GAB1: variants seen among roughly 807,000 people sequenced by gnomAD.
GAB1 encodes the protein GRB2-associated-binding protein 1.
A neutral mutation model predicts 66.5 loss-of-function variants in GAB1; 19 were observed. That is an observed-to-expected ratio of 0.29 (90% confidence interval 0.20 to 0.42). The LOEUF (loss-of-function observed/expected upper bound fraction) is 0.42, where lower values mean the gene tolerates loss of function less well. GAB1 is among the 10% of genes least tolerant of loss of function. The pLI is 1.00. For missense variants in GAB1, 732 were observed against 858.5 expected, an observed-to-expected ratio of 0.85 and a Z score of 1.84; for synonymous variants, 294 against 301.4, an observed-to-expected ratio of 0.98 and a Z score of 0.25.
intron 1 of GAB1, among the ~76,000 whole-genome samples, chr4:143,371,296 C>A (rs951956135): frequency 4.8e-4 from 73 of 152,126 alleles, no homozygotes; most frequent in Admixed American, 8.5e-4. Flanking sequence ...TCTCTGATGG[C>A]CAGTGATGAT....
chr4:143,379,279 A>G (rs1319894580), intron 1 of GAB1, among the ~76,000 whole-genome samples: 1 of 152,216 alleles, frequency 6.6e-6, no homozygotes, highest in Non-Finnish European at 1.5e-5. Context: ...TAATGTTGGA[A>G]GAGGACTTAG....
intron 1 of GAB1, among the ~76,000 whole-genome samples, chr4:143,346,761 G>C (rs1041875703): frequency 5.3e-5 from 8 of 152,122 alleles, no homozygotes; most frequent in Admixed American, 2.0e-4. Context: ...GTTGAGAAAA[G>C]GTAAAAGGAA....
rs1455811298 is a variant in GAB1 at position 143,412,346 on chromosome 4, C to G, written c.73-3131C>G. The stretch of plus-strand genomic sequence containing the variant: ...TATGTATATGTTCAGTATTGGAGCT[C>G]TTTTTCTCAAGTGGAAGATGCTTTG... On this transcript the variant is annotated intron_variant, in intron 1 of 9. Transcript: ENST00000262994. Among the ~76,000 whole-genome samples the G allele has an allele frequency of 3.9e-5, 6 of 152,170 alleles. No individual in the cohort carries two copies. The South Asian group carries it at 1.0e-3, about 26-fold the overall frequency.
intron 1 of GAB1, among the ~76,000 whole-genome samples, chr4:143,402,308 G>A (rs927582298): frequency 2.0e-4 from 30 of 152,150 alleles, no homozygotes; most frequent in African/African-American, 7.0e-4. Context: ...AATTTTCCCT[G>A]TGTTTGATTT....
chr4:143,387,447 G>GT (rs1730971355), intron 1 of GAB1, among the ~76,000 whole-genome samples: 1 of 152,184 alleles, frequency 6.6e-6, no homozygotes, highest in Non-Finnish European at 1.5e-5. Context: ...TGTTGAAGAA[G>GT]CAATGTTCAG....
At chr4:143,361,709 C>T (rs976896029) in intron 1 of GAB1, among the ~76,000 whole-genome samples, 5 of 152,142 alleles carry the variant, frequency 3.3e-5, no homozygotes, top group East Asian at 1.9e-4. Context: ...ATGCCACCAC[C>T]GCTGCCTTTG....
In GAB1 at chr4:143,467,364, C is replaced by G. The variant is rs139389820; in HGVS notation, c.1926+1139C>G. ...CTACAATACGTCTAGACATAGATTC[C>G]TTTTTATTTATCTTGCTTAGAAGTG... On this transcript the variant is annotated intron_variant, in intron 9 of 9. Coordinates refer to ENST00000262994, the MANE Select transcript of GAB1 (RefSeq NM_002039.4). Among the ~76,000 whole-genome samples the G allele has an allele frequency of 1.3e-3, 200 of 152,224 alleles. 2 individuals carry two copies. Among genetic ancestry groups the G allele is most frequent in the African/African-American group, 4.6e-3 (192 of 41,554 alleles).
intron 1 of GAB1, among the ~76,000 whole-genome samples, chr4:143,367,731 T>G (rs911188607): frequency 6.8e-6 from 1 of 146,502 alleles, no homozygotes; most frequent in Non-Finnish European, 1.5e-5. Context: ...TTTTTTTTTT[T>G]TTTTTTTTTT....
intron 8 of GAB1, among the ~76,000 whole-genome samples, chr4:143,462,565 A>G (rs1200439495): frequency 7.1e-6 from 1 of 141,778 alleles, no homozygotes; most frequent in African/African-American, 2.5e-5. Context: ...AAATCAAAAT[A>G]CAATTTTTTT....
chr4:143,344,549 T>G (rs1013349770), intron 1 of GAB1, among the ~76,000 whole-genome samples: 6 of 152,210 alleles, frequency 3.9e-5, no homozygotes, highest in Admixed American at 1.3e-4. Context: ...TCTTTCTTTT[T>G]TATATTACCC....
Position 143,367,725 on chromosome 4 carries a change from T to TTG in GAB1, c.72+30466_72+30467insGT, listed in dbSNP as rs574025621. ...AAGTGCAAATCAGATGAGGGTTTTT[T>TTG]TTTTTTTTTTTTTTTTGGAGACAGA... On this transcript the variant is annotated intron_variant, in intron 1 of 9. Coordinates refer to ENST00000262994, the MANE Select transcript of GAB1 (RefSeq NM_002039.4). Among the ~76,000 whole-genome samples the TTG allele has an allele frequency of 6.5e-3, 940 of 144,534 alleles. 14 individuals carry two copies. The highest frequency in any genetic ancestry group is 0.023 in the African/African-American group (882 of 38,470). The allele number at this position is 144,534 out of a possible 152,430, so 94.8% of individuals were successfully genotyped here.
intron 2 of GAB1, among the ~76,000 whole-genome samples, chr4:143,430,825 C>T (rs949387666): frequency 6.6e-6 from 1 of 152,126 alleles, no homozygotes; most frequent in Admixed American, 6.6e-5. Context: ...CTTGGAATTT[C>T]TTTTGCAAGA....
chr4:143,357,722 A>ATGTAT (rs1470501837), intron 1 of GAB1, among the ~76,000 whole-genome samples: 1 of 152,080 alleles, frequency 6.6e-6, no homozygotes, highest in Non-Finnish European at 1.5e-5. Flanking sequence ...TTGGAATAGA[A>ATGTAT]AGATACAGTC....
intron 1 of GAB1, among the ~76,000 whole-genome samples, chr4:143,411,701 G>C (rs1732400832): frequency 6.6e-6 from 1 of 152,178 alleles, no homozygotes; most frequent in African/African-American, 2.4e-5. Flanking sequence ...AAAACATAGA[G>C]ACGCTTTTGT....
At chr4:143,380,832 C>T (rs1730628558) in intron 1 of GAB1, 1 of 152,224 alleles carries the variant, frequency 6.6e-6, no homozygotes, top group Non-Finnish European at 1.5e-5. Context: ...ATTTACAGTT[C>T]ATGGTTCTCT....
At chr4:143,374,885 G>A (rs1212695660) in intron 1 of GAB1, among the ~76,000 whole-genome samples, 1 of 152,186 alleles carries the variant, frequency 6.6e-6, no homozygotes, top group African/African-American at 2.4e-5. Context: ...CTCTGCTACA[G>A]AAAGAATCCA....
At chr4:143,382,520 C>T (rs1344294413) in intron 1 of GAB1, among the ~76,000 whole-genome samples, 2 of 152,178 alleles carry the variant, frequency 1.3e-5, no homozygotes, top group Non-Finnish European at 2.9e-5. Flanking sequence ...GGAATTTTAT[C>T]AGACATTTTC....
chr4:143,424,588 T>A (rs1483644850), intron 2 of GAB1, among the ~76,000 whole-genome samples: 1 of 152,180 alleles, frequency 6.6e-6, no homozygotes, highest in Non-Finnish European at 1.5e-5. Context: ...AAGAGGTACT[T>A]ATGAGCATCC....
chr4:143,356,254 A>C (rs1729442752), intron 1 of GAB1, among the ~76,000 whole-genome samples: 1 of 152,192 alleles, frequency 6.6e-6, no homozygotes, highest in South Asian at 2.1e-4. Flanking sequence ...GTTGTTGAAT[A>C]GGTATATTAA....
Sources: gnomAD v4.1 joint callset for allele counts (sites outside exome capture counted in the v4.1 genomes callset) on GRCh38, gnomAD v4.1.1 for gene constraint, MANE v1.5 for transcripts, NCBI Gene and HGNC (gene_info 2026-07-23, HGNC 2026-07-21) for gene names.